The following MOV10L1 variants were observed in gnomAD, a reference collection of about 807,000 sequenced individuals.
The protein encoded by MOV10L1 is Mov10 like RNA helicase 1.
In MOV10L1, 110 loss-of-function variants were observed where a neutral mutation model predicts 143.8. That is an observed-to-expected ratio of 0.76 (90% CI 0.66 to 0.90). MOV10L1 has a LOEUF of 0.90. MOV10L1 is among the 40% of genes least tolerant of loss of function. MOV10L1 has a pLI of 0.00. For synonymous variants in MOV10L1, 593 were observed against 581.1 expected, an observed-to-expected ratio of 1.02 and a Z score of -0.29; for missense variants, 1,406 against 1,526.8, an observed-to-expected ratio of 0.92 and a Z score of 1.32.
intron 20 of MOV10L1, 33 bp from the exon 21 acceptor site, chr22:50,150,702 C>G (rs780592280): frequency 1.2e-6 from 2 of 1,606,860 alleles, no homozygotes; most frequent in South Asian, 2.2e-5. Context: ...GGCACCCTCC[C>G]TGCATGAGCT....
chr22:50,125,309 T>A, intron 10 of MOV10L1, 83 bp from the exon 11 acceptor site: 1 of 1,401,050 alleles, frequency 7.1e-7, no homozygotes. Context: ...CTGGAGCTGT[T>A]GGAACTTTCC....
Position 50,108,813 on chromosome 22 carries a change from AG to A in MOV10L1, c.715del (p.Ala239HisfsTer4). Reference protein sequence around the residue: ...VESSQSCYVWRALCMTLVKRR... With the variant: ...VESSQSCYVWXALCMTLVKRR... The stretch of plus-strand genomic sequence containing the variant: ...GAGCAGCCAGTCATGCTATGTCTGG[AG>A]GGCACTTTGTATGACCCTAGTGAAG... On this transcript the variant is annotated frameshift_variant, in exon 5 of 27. Coordinates refer to ENST00000262794, the MANE Select transcript of MOV10L1 (RefSeq NM_018995.3). LOFTEE classifies it high-confidence loss of function. 6.2e-7 allele frequency: 1 copy of A among 1,614,148 alleles called. No individual in the cohort carries two copies. The highest frequency in any genetic ancestry group is 2.2e-5 in the East Asian group (1 of 44,882).
At chr22:50,116,339 C>T (rs924251851) in intron 8 of MOV10L1, among the ~76,000 whole-genome samples, 1 of 151,344 alleles carries the variant, frequency 6.6e-6, no homozygotes, top group African/African-American at 2.4e-5. Context: ...CCCAGCTACT[C>T]AGGAGGCTGA....
chr22:50,104,601 GA>G (rs994808087), intron 3 of MOV10L1, among the ~76,000 whole-genome samples: 14 of 152,266 alleles, frequency 9.2e-5, no homozygotes, highest in African/African-American at 3.1e-4. Flanking sequence ...TTGGTTAACA[GA>G]GTGATTTTAT....
intron 15 of MOV10L1, among the ~76,000 whole-genome samples, chr22:50,135,707 C>T (rs972017808): frequency 4.7e-5 from 7 of 150,038 alleles, no homozygotes; most frequent in African/African-American, 1.5e-4. Flanking sequence ...GCCGAGATCA[C>T]GCCACTGCAC....
rs1458516373 is a variant in MOV10L1, at chr22:50,159,752, A to G, written c.3291A>G (p.Gln1097=). 6.2e-7 allele frequency: 1 copy of G among 1,613,096 alleles called. No individual in the cohort carries two copies. Among genetic ancestry groups the G allele is most frequent in the Admixed American group, 1.7e-5 (1 of 59,954 alleles). Residue 1097 remains glutamine, a synonymous_variant, in exon 24 of 27, where the codon CAA becomes CAG. Transcript: ENST00000262794. This position sits in a 1 kb window ranked among gnomAD's most constrained non-coding sequence, Gnocchi z 4.1. ...AGGTTGGATCAGTAGAGGAGTTTCA[A>G]GGACAAGAGTATCTGGTCATCATCA... is the stretch of plus-strand genomic sequence containing the variant. The part of the protein sequence containing the change: ...DIKVGSVEEF[Q]GQEYLVIIIS...
chr22:50,109,841 T>TAA (rs200470549), intron 5 of MOV10L1, among the ~76,000 whole-genome samples: 13 of 150,280 alleles, frequency 8.7e-5, no homozygotes, highest in Admixed American at 3.3e-4. Context: ...GGCTCTGTCT[T>TAA]AAAAAATAAA....
chr22:50,159,856 G>A lies in MOV10L1; in HGVS notation c.3324+71G>A. ...TGCCCTGGGGGTTCTGGGGGCTTCA[G>A]ATCTAAAGGGGCAGAGGCTGATTCC... On this transcript the variant is annotated intron_variant, in intron 24 of 26. Coordinates refer to ENST00000262794, the MANE Select transcript of MOV10L1 (RefSeq NM_018995.3). The surrounding 1 kb of genome is among the most constrained non-coding windows in gnomAD (Gnocchi z 4.1). The A allele has an allele frequency of 9.7e-7, 1 of 1,026,702 alleles. No individual in the cohort carries two copies. The highest frequency in any genetic ancestry group is 1.6e-5 in the African/African-American group (1 of 62,024). The allele number at this position is 1,026,702 out of a possible 1,614,324, so 63.6% of individuals were successfully genotyped here.
Position 50,159,528 on chromosome 22 carries a change from G to C in MOV10L1, c.3217-150G>C. The C allele has an allele frequency of 2.3e-6, 1 of 441,224 alleles. No individual in the cohort carries two copies. Among genetic ancestry groups the C allele is most frequent in the Non-Finnish European group, 4.1e-6 (1 of 246,430 alleles). 27.3% of individuals were successfully genotyped at this position (441,224 alleles called of 1,614,324 possible). ...GAGGCAGGAGAATTGCTTGAACCCGGGAGGCAGAGGTTGCAGTGAGCCGAG... is the reference window on the plus strand; with the variant it reads ...GAGGCAGGAGAATTGCTTGAACCCGCGAGGCAGAGGTTGCAGTGAGCCGAG... On this transcript the variant is annotated intron_variant, in intron 23 of 26. Transcript: ENST00000262794. This position sits in a 1 kb window ranked among gnomAD's most constrained non-coding sequence, Gnocchi z 4.1.
At position 50,158,128 on chromosome 22, in the gene MOV10L1, C is replaced by G. The variant is rs980180957; in HGVS notation, c.3138C>G (p.Tyr1046Ter). 2.5e-6 allele frequency: 4 copies of G among 1,614,204 alleles called. No homozygotes were observed. The highest frequency in any genetic ancestry group is 8.5e-7 in the Non-Finnish European group (1 of 1,180,050). The change falls in exon 23 of 27, where the codon TAC becomes TAG. Residue 1046 changes from tyrosine (Y) to a stop codon, truncating the protein, a stop_gained. Transcript: ENST00000262794. LOFTEE classifies it high-confidence loss of function. The surrounding 1 kb of genome is among the most constrained non-coding windows in gnomAD (Gnocchi z 5.0). ...NPAEAVQVLR[Y>*]CCLLAHSISS... ...CCGAGGCCGTCCAGGTCCTGCGCTACTGCTGCCTCCTGGCCCACAGCATCT... is the reference window on the plus strand; with the variant it reads ...CCGAGGCCGTCCAGGTCCTGCGCTAGTGCTGCCTCCTGGCCCACAGCATCT...
chr22:50,098,799 T>C (rs2062662825), intron 2 of MOV10L1, among the ~76,000 whole-genome samples: 1 of 152,178 alleles, frequency 6.6e-6, no homozygotes, highest in Admixed American at 6.5e-5. Flanking sequence ...GTGGTGTTTG[T>C]TGTGAGATTT....
chr22:50,143,030 A>G lies in MOV10L1; in HGVS notation c.2180-13A>G, dbSNP rs746507805. 3 of 1,611,712 alleles carry G rather than the reference A, an allele frequency of 1.9e-6. No individual in the cohort carries two copies. In the South Asian group the frequency reaches 3.3e-5, roughly 18 times the overall value. On this transcript the variant is annotated splice_polypyrimidine_tract_variant and intron_variant, in intron 16 of 26. Coordinates refer to ENST00000262794, the MANE Select transcript of MOV10L1 (RefSeq NM_018995.3). The stretch of plus-strand genomic sequence containing the variant: ...TTTGCATCTAACTGAAACTTTCTTC[A>G]CTTTGAATACAGTAGATGAAATTCA...
chr22:50,090,264 TTGAG>T, intron 1 of MOV10L1, 79 bp downstream of exon 1: 3 of 1,431,558 alleles, frequency 2.1e-6, no homozygotes, highest in Non-Finnish European at 2.7e-6. Flanking sequence ...CCATAGGTCT[TTGAG>T]TGCAGTGCGG....
At chr22:50,124,372 G>A (rs1284795342) in intron 10 of MOV10L1, among the ~76,000 whole-genome samples, 1 of 152,038 alleles carries the variant, frequency 6.6e-6, no homozygotes, top group Non-Finnish European at 1.5e-5. Flanking sequence ...TTGCTCTTTT[G>A]CACATAACGT....
chr22:50,108,751 C>A lies in MOV10L1; in HGVS notation c.650C>A (p.Pro217His). 6.2e-7 allele frequency: 1 copy of A among 1,614,150 alleles called. No homozygotes were observed. The highest frequency in any genetic ancestry group is 8.5e-7 in the Non-Finnish European group (1 of 1,180,036). ...DSLKLPDGYT[P>H]RRGDVVNAVV... ...TTGAAACTGCCAGATGGGTACACAC[C>A]CCGGAGAGGTGACGTGGTCAATGCA... Residue 217 changes from proline to histidine, a missense_variant, in exon 5 of 27, where the codon CCC (proline) becomes CAC (histidine). By Grantham distance (77) the Pro-to-His change is moderately conservative. This residue lies in a region of MOV10L1 where 1,233 missense variants were observed against 1,351.4 expected (regional missense o/e 0.91). Coordinates refer to ENST00000262794, the MANE Select transcript of MOV10L1 (RefSeq NM_018995.3).
intron 3 of MOV10L1, among the ~76,000 whole-genome samples, chr22:50,103,479 C>T (rs2061796443): frequency 6.6e-6 from 1 of 152,172 alleles, no homozygotes; most frequent in African/African-American, 2.4e-5. Context: ...TGGGGCTTGT[C>T]TTGGGCACTG....
chr22:50,160,485 C>G (rs1318382786), intron 24 of MOV10L1, among the ~76,000 whole-genome samples: 2 of 151,916 alleles, frequency 1.3e-5, no homozygotes. Flanking sequence ...GATCTCCTGA[C>G]CTCGTGATCC....
chr22:50,147,039 T>C (rs1221224427), intron 19 of MOV10L1: 2 of 1,547,128 alleles, frequency 1.3e-6, no homozygotes, highest in Non-Finnish European at 1.7e-6. Context: ...TAATGTGTGT[T>C]GATGAGTCAA....
intron 11 of MOV10L1, among the ~76,000 whole-genome samples, chr22:50,125,950 G>A (rs1471393953): frequency 7.4e-6 from 1 of 134,900 alleles, no homozygotes; most frequent in Non-Finnish European, 1.6e-5. Context: ...ACCACACCCG[G>A]CTGATTTTTT....
Sources: allele counts gnomAD v4.1 joint callset (sites outside exome capture counted in the v4.1 genomes callset), GRCh38; gene constraint gnomAD v4.1.1; regional missense constraint gnomAD v4.1.1; non-coding constraint Gnocchi (gnomAD v3.1); transcripts MANE v1.5; gene names NCBI Gene and HGNC (gene_info 2026-07-23, HGNC 2026-07-21).